The following UCP2 variants were observed in gnomAD, a reference collection of about 807,000 sequenced individuals.
The protein encoded by UCP2 is uncoupling protein 2, also known as dicarboxylate carrier SLC25A8.
In UCP2, 27 loss-of-function variants were observed where a neutral mutation model predicts 31.3. The ratio of observed to expected loss-of-function variants is 0.86; its 90% confidence interval spans 0.64 to 1.19. UCP2 has a LOEUF of 1.19. Among genes scored for constraint, UCP2 ranks in the 50% most tolerant of loss-of-function variants. The pLI is 0.00. For missense variants in UCP2, 377 were observed against 413.5 expected (o/e 0.91, Z 0.76); for synonymous variants, 142 against 157.4 (o/e 0.90, Z 0.73).
intron 4 of UCP2, 106 bp from the exon 5 acceptor site, chr11:73,977,123 A>G (rs2632725): frequency 4.8e-6 from 6 of 1,262,000 alleles, no homozygotes; most frequent in Non-Finnish European, 6.5e-6. Flanking sequence ...GCTTTTGGGA[A>G]TAGAATCCAG....
chr11:73,977,575 G>T (rs1360942338), intron 4 of UCP2, among the ~76,000 whole-genome samples: 1 of 152,156 alleles, frequency 6.6e-6, no homozygotes, highest in African/African-American at 2.4e-5. Flanking sequence ...GCTCTCTACT[G>T]TGTGCCCCTG....
At position 73,978,356 on chromosome 11, in the gene UCP2, T is replaced by G; in HGVS notation, c.23A>C (p.Asp8Ala). Residue 8 changes from aspartate (D) to alanine (A), a missense_variant, in exon 3 of 8, where the codon GAT (aspartate) becomes GCT (alanine). Physicochemically the swap from Asp to Ala is moderately radical, Grantham distance 126. Coordinates refer to ENST00000663595, the MANE Select transcript of UCP2 (RefSeq NM_003355.3). MVGFKAT[D>A]VPPTATVKFL... ...CTTCACAGTGGCAGTAGGGGGCACA[T>G]CTGTGGCCTTGAACCCAACCATGAT... The G allele has an allele frequency of 6.2e-7, 1 of 1,614,160 alleles. No homozygotes were observed. Among genetic ancestry groups the G allele is most frequent in the Admixed American group, 1.7e-5 (1 of 60,022 alleles).
In UCP2 at chr11:73,976,970, G is replaced by A; in HGVS notation, c.385C>T (p.Leu129=). ...GTGGGCTGGGCCACAGCCACAGCCA[G>A]GGCACCTGTGGTGCTGCCTGCTAGG... ...RLLAGSTTGA[L]AVAVAQPTDV... The change falls in exon 5 of 8, where the codon CTG becomes TTG. Residue 129 remains leucine, a synonymous_variant. Coordinates refer to ENST00000663595, the MANE Select transcript of UCP2 (RefSeq NM_003355.3). The A allele has an allele frequency of 6.2e-7, 1 of 1,606,880 alleles. No homozygotes were observed. Among genetic ancestry groups the A allele is most frequent in the Non-Finnish European group, 8.5e-7 (1 of 1,174,780 alleles).
At chr11:73,979,282 C>G (rs556984103) in intron 2 of UCP2, among the ~76,000 whole-genome samples, 6 of 152,358 alleles carry the variant, frequency 3.9e-5, no homozygotes, top group African/African-American at 1.4e-4. Context: ...TGTGGTGGCT[C>G]ACGCCTGTAA....
intron 4 of UCP2, 122 bp downstream of exon 4, chr11:73,977,764 C>T (rs988367344): frequency 7.4e-7 from 1 of 1,347,546 alleles, no homozygotes; most frequent in Non-Finnish European, 1.0e-6. Context: ...CCTTCCAGTT[C>T]TCTGTTCCCC....
chr11:73,974,921 G>GGAGGGAAGAGAAA lies in UCP2; in HGVS notation c.*73_*85dup, dbSNP rs1951314883. Reference sequence around the variant, plus strand: ...GGAAAGAGGGAAGGAGAGAAGGGAAGGAGGGAAGAGAAAGAAGGAAGAAAA... The same window carrying GGAGGGAAGAGAAA: ...GGAAAGAGGGAAGGAGAGAAGGGAAGGAGGGAAGAGAAAGAGGGAAGAGAAAGAAGGAAGAAAA... On this transcript the variant is annotated 3_prime_UTR_variant, in exon 8 of 8. Coordinates refer to ENST00000663595, the MANE Select transcript of UCP2 (RefSeq NM_003355.3). The GGAGGGAAGAGAAA allele has an allele frequency of 4.5e-6, 5 of 1,116,130 alleles. No individual in the cohort carries two copies. The highest frequency in any genetic ancestry group is 1.6e-5 in the African/African-American group (1 of 64,354). 69.1% of individuals were successfully genotyped at this position (1,116,130 alleles called of 1,614,324 possible).
intron 6 of UCP2, 29 bp downstream of exon 6, chr11:73,976,611 AG>A (rs1951349192): frequency 2.5e-6 from 4 of 1,578,198 alleles, no homozygotes; most frequent in Middle Eastern, 1.7e-4. Context: ...GGGAAGGGTG[AG>A]ACCCAGCACC....
chr11:73,980,491 G>A (rs1951433110), intron 2 of UCP2, among the ~76,000 whole-genome samples: 1 of 152,138 alleles, frequency 6.6e-6, no homozygotes. Flanking sequence ...TGACAGATTG[G>A]GTTGATGAAG....
intron 2 of UCP2, among the ~76,000 whole-genome samples, chr11:73,979,413 G>A (rs977853050): frequency 1.3e-5 from 2 of 152,300 alleles, no homozygotes; most frequent in Non-Finnish European, 2.9e-5. Context: ...TGGGTGTGTT[G>A]GCACACGCCT....
intron 4 of UCP2, among the ~76,000 whole-genome samples, chr11:73,977,401 G>C (rs920536524): frequency 6.6e-6 from 1 of 152,208 alleles, no homozygotes; most frequent in African/African-American, 2.4e-5. Flanking sequence ...TCTCAGGTCA[G>C]CTTTACTTCT....
In UCP2 at chr11:73,974,911, G is replaced by A. The variant is rs574838308; in HGVS notation, c.*96C>T. On this transcript the variant is annotated 3_prime_UTR_variant, in exon 8 of 8. Coordinates refer to ENST00000663595, the MANE Select transcript of UCP2 (RefSeq NM_003355.3). ...GAAGAGGTGGGGAAAGAGGGAAGGAGAGAAGGGAAGGAGGGAAGAGAAAGA... is the reference window on the plus strand; with the variant it reads ...GAAGAGGTGGGGAAAGAGGGAAGGAAAGAAGGGAAGGAGGGAAGAGAAAGA... 1 of 1,038,300 alleles carries A rather than the reference G, an allele frequency of 9.6e-7. No individual in the cohort carries two copies. Among genetic ancestry groups the A allele is most frequent in the South Asian group, 1.4e-5 (1 of 73,090 alleles). The allele number at this position is 1,038,300 out of a possible 1,614,324, so 64.3% of individuals were successfully genotyped here.
At chr11:73,980,540 C>G (rs530064292) in intron 2 of UCP2, 17 of 152,322 alleles carry the variant, frequency 1.1e-4, no homozygotes, top group African/African-American at 4.1e-4. Context: ...TCTGACACCC[C>G]CTTCCCCCAG....
chr11:73,982,423 C>A (rs955760792), intron 1 of UCP2, among the ~76,000 whole-genome samples: 1 of 152,012 alleles, frequency 6.6e-6, no homozygotes, highest in African/African-American at 2.4e-5. Context: ...CCCATCTCTA[C>A]AAAACACAAA....
At chr11:73,977,533 G>A (rs1001706488) in intron 4 of UCP2, among the ~76,000 whole-genome samples, 1 of 152,174 alleles carries the variant, frequency 6.6e-6, no homozygotes, top group Non-Finnish European at 1.5e-5. Flanking sequence ...CCTTAGAGAC[G>A]AGTGTCCTGG....
chr11:73,981,019 G>C (rs1295049293), intron 2 of UCP2: 1 of 152,172 alleles, frequency 6.6e-6, no homozygotes, highest in African/African-American at 2.4e-5. Context: ...CAGAGGGTGG[G>C]TAAGATGGCC....
At chr11:73,979,550 AACAG>A (rs913695760) in intron 2 of UCP2, among the ~76,000 whole-genome samples, 1 of 152,070 alleles carries the variant, frequency 6.6e-6, no homozygotes, top group Non-Finnish European at 1.5e-5. Context: ...TGTTTCAAAA[AACAG>A]ACAAACAAAC....
rs898593012 is a variant in UCP2 at position 73,976,734 on chromosome 11, G to A, written c.541C>T (p.Pro181Ser). The change falls in exon 6 of 8, where the codon CCC (proline) becomes TCC (serine). Residue 181 changes from proline to serine, a missense_variant. Transcript: ENST00000663595. ...GFRGLWKGTS[P>S]NVARNAIVNC... ...ACAATGGCATTACGAGCAACATTGG[G>A]AGAGGTCCCTGTAGGAGGAGGAAGA... is the stretch of plus-strand genomic sequence containing the variant. The A allele has an allele frequency of 1.9e-6, 3 of 1,614,084 alleles. No individual in the cohort carries two copies. The highest frequency in any genetic ancestry group is 3.3e-5 in the Admixed American group (2 of 60,004).
chr11:73,981,728 G>C (rs1429732235), intron 1 of UCP2, 96 bp from the exon 2 acceptor site: 1 of 152,334 alleles, frequency 6.6e-6, no homozygotes, highest in Non-Finnish European at 1.5e-5. Context: ...ATGGGGAACA[G>C]GGCCCAGGGA....
intron 7 of UCP2, 81 bp from the exon 8 acceptor site, chr11:73,975,202 G>T: frequency 7.6e-7 from 1 of 1,318,556 alleles, no homozygotes; most frequent in Non-Finnish European, 1.1e-6. Flanking sequence ...ATCCAACCCA[G>T]TTGCTCTGTC....
Sources: allele counts gnomAD v4.1 joint callset (sites outside exome capture counted in the v4.1 genomes callset), GRCh38; gene constraint gnomAD v4.1.1; transcripts MANE v1.5; gene names NCBI Gene and HGNC (gene_info 2026-07-23, HGNC 2026-07-21).